Variants in IFT27 observed in about 807,000 individuals in gnomAD.
IFT27 encodes the protein intraflagellar transport protein 27 homolog.
In IFT27, 19 loss-of-function variants were observed where a neutral mutation model predicts 23.9. The ratio of observed to expected loss-of-function variants is 0.79; its 90% confidence interval spans 0.55 to 1.16. The LOEUF is 1.16. Among genes scored for constraint, IFT27 ranks in the 50% most tolerant of loss-of-function variants. IFT27 has a pLI of 0.00. For missense variants in IFT27, 206 were observed against 228.7 expected, an observed-to-expected ratio of 0.90 and a Z score of 0.64; for synonymous variants, 91 against 89.1, an observed-to-expected ratio of 1.02 and a Z score of -0.12.
rs746023328 is a variant in IFT27, at chr22:36,762,915, CAA to C, written c.449_450del (p.Phe150Ter). On this transcript the variant is annotated frameshift_variant, in exon 6 of 7. Coordinates refer to ENST00000433985, the MANE Select transcript of IFT27 (RefSeq NM_001177701.3). LOFTEE classifies it high-confidence loss of function. ...GTGGAAATACTCACCACGGATGTTTCAAAACATTCCAGGCCCTGGCCCAGCGC... is the reference window on the plus strand; with the variant it reads ...GTGGAAATACTCACCACGGATGTTTCAACATTCCAGGCCCTGGCCCAGCGC... ...AWALGQGLEC[F>X]ETSVKEMENF... The C allele has an allele frequency of 1.9e-6, 3 of 1,573,860 alleles. No individual in the cohort carries two copies. In the East Asian group the frequency reaches 6.9e-5, roughly 36 times the overall value.
chr22:36,758,785 C>A (rs564265073), intron 6 of IFT27: 1 of 207,974 alleles, frequency 4.8e-6, no homozygotes, highest in Non-Finnish European at 9.9e-6. Flanking sequence ...TACCAAGGAA[C>A]CTGGAGCCCC....
chr22:36,770,859 C>A (rs967850418), intron 1 of IFT27, among the ~76,000 whole-genome samples: 2 of 152,122 alleles, frequency 1.3e-5, no homozygotes, highest in African/African-American at 4.8e-5. Flanking sequence ...AGGGGAGGGG[C>A]CTCTGCAGAC....
At chr22:36,763,162 C>T (rs1393879157) in intron 5 of IFT27, 149 bp from the exon 6 acceptor site, 9 of 501,898 alleles carry the variant, frequency 1.8e-5, no homozygotes, top group South Asian at 8.4e-5. Context: ...CAGGGAAAGC[C>T]GGGGGTCTCT....
In IFT27 at chr22:36,771,588, G is replaced by A. The variant is rs1785725241; in HGVS notation, c.35-3726C>T. Among the ~76,000 whole-genome samples the A allele has an allele frequency of 2.0e-5, 3 of 152,112 alleles. No individual in the cohort carries two copies. In the South Asian group the frequency reaches 6.2e-4, roughly 32 times the overall value. ...CCAGCCGGGCAGGGCCCCTTCCTCA[G>A]GGGTCCGGATCCCAGCTCCCTGGGT... is the stretch of plus-strand genomic sequence containing the variant. On this transcript the variant is annotated intron_variant, in intron 1 of 6. Transcript: ENST00000433985.
intron 3 of IFT27, chr22:36,766,484 G>A (rs1234639112): frequency 2.2e-6 from 1 of 445,648 alleles, no homozygotes; most frequent in African/African-American, 2.0e-5. Context: ...GGAACAAGCT[G>A]ACTTCCCACC....
At chr22:36,773,521 G>C (rs1055822524) in intron 1 of IFT27, among the ~76,000 whole-genome samples, 1 of 152,016 alleles carries the variant, frequency 6.6e-6, no homozygotes, top group Non-Finnish European at 1.5e-5. Context: ...GGGTATGGTG[G>C]TGGGCGCCTG....
At position 36,768,516 on chromosome 22, in the gene IFT27, A is replaced by G. The variant is rs545236199; in HGVS notation, c.35-654T>C. On this transcript the variant is annotated intron_variant, in intron 1 of 6. Transcript: ENST00000433985. ...TCTGCAATAGCAGTCACCTCCTCCA[A>G]GCTCATCTCTCACCTACTGGCTTTA... 42 of 177,896 alleles carry G rather than the reference A, an allele frequency of 2.4e-4. No individual in the cohort carries two copies. The South Asian group carries it at 5.0e-3, about 21-fold the overall frequency. The allele number at this position is 177,896 out of a possible 1,614,324, so 11.0% of individuals were successfully genotyped here. A position where few individuals can be genotyped will look rare whatever the true frequency, so the allele number is the denominator to read the frequency against.
At chr22:36,775,035 A>G (rs1271031989) in intron 1 of IFT27, among the ~76,000 whole-genome samples, 3 of 152,222 alleles carry the variant, frequency 2.0e-5, no homozygotes, top group Non-Finnish European at 4.4e-5. Context: ...ATCCATTCTA[A>G]AAGTATTTAT....
intron 3 of IFT27, 139 bp downstream of exon 3, chr22:36,767,167 C>T (rs962829176): frequency 1.9e-5 from 12 of 631,350 alleles, no homozygotes; most frequent in African/African-American, 1.5e-4. Context: ...GAATGCTTCC[C>T]GATTCTATTC....
Position 36,763,584 on chromosome 22 carries a change from T to G in IFT27, c.352+335A>C, listed in dbSNP as rs1443728974. On this transcript the variant is annotated intron_variant, in intron 5 of 6. Coordinates refer to ENST00000433985, the MANE Select transcript of IFT27 (RefSeq NM_001177701.3). ...GTGACAACAGGCTTGAATGTTTACT[T>G]GTACCCCATATACAAGAGAAAATTA... The G allele has an allele frequency of 7.1e-6, 3 of 423,572 alleles. No individual in the cohort carries two copies. In the East Asian group the frequency reaches 1.6e-4, roughly 22 times the overall value. 26.2% of individuals were successfully genotyped at this position (423,572 alleles called of 1,614,324 possible). A position where few individuals can be genotyped will look rare whatever the true frequency, so the allele number is the denominator to read the frequency against.
At chr22:36,772,127 A>G (rs1601502549) in intron 1 of IFT27, among the ~76,000 whole-genome samples, 1 of 152,192 alleles carries the variant, frequency 6.6e-6, no homozygotes, top group South Asian at 2.1e-4. Context: ...TCTGAAGGCC[A>G]TCTCTCCCTC....
intron 1 of IFT27, among the ~76,000 whole-genome samples, chr22:36,769,523 G>C (rs958087916): frequency 2.6e-5 from 4 of 152,130 alleles, no homozygotes; most frequent in Non-Finnish European, 5.9e-5. Flanking sequence ...ACCAGCTAAT[G>C]TTTGTATTTT....
chr22:36,767,440 AC>A (rs1196685510), intron 2 of IFT27, 75 bp from the exon 3 acceptor site: 3 of 1,327,840 alleles, frequency 2.3e-6, no homozygotes, highest in African/African-American at 2.9e-5. Context: ...ACACACAAGC[AC>A]CCCGATCCCA....
intron 3 of IFT27, among the ~76,000 whole-genome samples, chr22:36,766,750 C>T (rs1474232665): frequency 6.6e-6 from 1 of 152,042 alleles, no homozygotes; most frequent in Non-Finnish European, 1.5e-5. Flanking sequence ...TGAGAACCCC[C>T]AGGGCTGGTC....
chr22:36,775,703 A>G lies in IFT27; in HGVS notation c.5T>C (p.Val2Ala). The stretch of plus-strand genomic sequence containing the variant: ...CAGGATGCATTTGGCTGCCAGCTTC[A>G]CCATGGTAACCAACACTCCCGCGAG... M[V>A]KLAAKCILAG... Residue 2 changes from valine (V) to alanine (A), a missense_variant, in exon 1 of 7, where the codon GTG (valine) becomes GCG (alanine). Val to Ala is a moderately conservative substitution (Grantham distance 64). Coordinates refer to ENST00000433985, the MANE Select transcript of IFT27 (RefSeq NM_001177701.3). The G allele has an allele frequency of 6.2e-7, 1 of 1,614,092 alleles. No homozygotes were observed. Among genetic ancestry groups the G allele is most frequent in the African/African-American group, 1.3e-5 (1 of 75,030 alleles).
At chr22:36,769,458 G>A (rs1938343969) in intron 1 of IFT27, among the ~76,000 whole-genome samples, 1 of 152,322 alleles carries the variant, frequency 6.6e-6, no homozygotes, top group Admixed American at 6.5e-5. Flanking sequence ...GGGTTCAAGT[G>A]ATTCTCCTGC....
intron 1 of IFT27, among the ~76,000 whole-genome samples, chr22:36,775,280 C>T (rs1938475720): frequency 6.6e-6 from 1 of 152,142 alleles, no homozygotes; most frequent in Non-Finnish European, 1.5e-5. Context: ...ATAGTAAAGA[C>T]TACCAAAGTC....
At position 36,773,366 on chromosome 22, in the gene IFT27, A is replaced by G. The variant is rs181716203; in HGVS notation, c.34+2308T>C. Among the ~76,000 whole-genome samples, 467 of 146,832 alleles carry G rather than the reference A, an allele frequency of 3.2e-3. 1 individual carries two copies. Among genetic ancestry groups the G allele is most frequent in the Non-Finnish European group, 5.2e-3 (346 of 66,906 alleles). ...CAGAGTGAAATTACGCCTCAAAAAA[A>G]AAGGTCCGGGCACAGTGACTCACGC... On this transcript the variant is annotated intron_variant, in intron 1 of 6. Transcript: ENST00000433985.
At chr22:36,767,013 G>A (rs570210960) in intron 3 of IFT27, 85 of 222,056 alleles carry the variant, frequency 3.8e-4, no homozygotes, top group East Asian at 1.6e-3. Context: ...CAAACATAAC[G>A]TCTTGCAATT....
Sources: allele counts gnomAD v4.1 joint callset (sites outside exome capture counted in the v4.1 genomes callset), GRCh38; gene constraint gnomAD v4.1.1; transcripts MANE v1.5; gene names NCBI Gene and HGNC (gene_info 2026-07-23, HGNC 2026-07-21).